Variants in FGF12 observed in about 807,000 individuals in gnomAD.
FGF12 encodes the protein fibroblast growth factor 12B.
FGF12 carries 14 observed loss-of-function variants against 23.6 expected under a neutral mutation model. That is an observed-to-expected ratio of 0.59 (90% confidence interval 0.39 to 0.93). FGF12 has a LOEUF of 0.93. Among genes scored for constraint, FGF12 ranks in the 40% least tolerant of loss-of-function variants. FGF12 has a pLI of 0.00. For missense variants in FGF12, 175 were observed against 217.8 expected, an observed-to-expected ratio of 0.80 and a Z score of 1.24; for synonymous variants, 62 against 77.3, an observed-to-expected ratio of 0.80 and a Z score of 1.04.
chr3:192,214,123 G>A (rs917076599), intron 4 of FGF12, among the ~76,000 whole-genome samples: 19 of 152,130 alleles, frequency 1.2e-4, no homozygotes, highest in African/African-American at 4.6e-4. Flanking sequence ...CGACAGAGAC[G>A]GGAACTGTAA....
At chr3:192,588,620 CTT>C in intron 2 of FGF12, among the ~76,000 whole-genome samples, 1 of 151,870 alleles carries the variant, frequency 6.6e-6, no homozygotes, top group East Asian at 1.9e-4. Flanking sequence ...TATATCAACT[CTT>C]TTAATCCATG....
At chr3:192,378,150 G>A (rs1349481580) in intron 2 of FGF12, among the ~76,000 whole-genome samples, 10 of 142,454 alleles carry the variant, frequency 7.0e-5, no homozygotes, top group East Asian at 4.1e-4. Flanking sequence ...TCACTCTGTC[G>A]GCCAGGCTGG....
At chr3:192,159,719 C>A (rs577371361) in intron 5 of FGF12, among the ~76,000 whole-genome samples, 1 of 152,114 alleles carries the variant, frequency 6.6e-6, no homozygotes, top group Non-Finnish European at 1.5e-5. Flanking sequence ...GTGAATCTTT[C>A]GTAATGTCTG....
At chr3:192,681,888 T>G (rs765234225) in intron 2 of FGF12, among the ~76,000 whole-genome samples, 10 of 152,158 alleles carry the variant, frequency 6.6e-5, no homozygotes, top group Non-Finnish European at 1.2e-4. Context: ...ATGACTGCAT[T>G]TTTTAAAAAT....
chr3:192,555,496 T>C (rs1711724050), intron 2 of FGF12, among the ~76,000 whole-genome samples: 1 of 151,914 alleles, frequency 6.6e-6, no homozygotes, highest in East Asian at 1.9e-4. Flanking sequence ...TAAAAAGATG[T>C]AATTGTCCAG....
At chr3:192,511,600 A>G (rs1266433012) in intron 2 of FGF12, among the ~76,000 whole-genome samples, 2 of 152,226 alleles carry the variant, frequency 1.3e-5, no homozygotes, top group Non-Finnish European at 2.9e-5. Context: ...TAAAAACTTA[A>G]TATATTATCA....
intron 2 of FGF12, among the ~76,000 whole-genome samples, chr3:192,639,335 C>T (rs900055368): frequency 6.6e-6 from 1 of 152,146 alleles, no homozygotes; most frequent in South Asian, 2.1e-4. Context: ...AAAAGAGAAG[C>T]CTTTTACACT....
In FGF12 at chr3:192,340,980, G is replaced by C. The variant is rs146172201; in HGVS notation, c.125-5516C>G. 7.7e-3 allele frequency among the ~76,000 whole-genome samples: 1,176 copies of C among 151,940 alleles called. 5 individuals are homozygous for C. The highest frequency in any genetic ancestry group is 0.014 in the Middle Eastern group (4 of 294). ...AAGTGGGATTACATTAAACTAAAAAGCTTCTGCAGAGCAAAGGAAACAATC... is the reference window on the plus strand; with the variant it reads ...AAGTGGGATTACATTAAACTAAAAACCTTCTGCAGAGCAAAGGAAACAATC... On this transcript the variant is annotated intron_variant, in intron 3 of 5. Coordinates refer to ENST00000445105, the MANE Select transcript of FGF12 (RefSeq NM_004113.6).
At chr3:192,310,597 G>C (rs928475410) in intron 4 of FGF12, among the ~76,000 whole-genome samples, 4 of 151,984 alleles carry the variant, frequency 2.6e-5, no homozygotes, top group Admixed American at 2.6e-4. Flanking sequence ...GTCATTTTAA[G>C]GTACAAAATA....
chr3:192,450,729 T>A (rs1008570009), intron 2 of FGF12, among the ~76,000 whole-genome samples: 5 of 152,206 alleles, frequency 3.3e-5, no homozygotes, highest in African/African-American at 1.2e-4. Flanking sequence ...ACAGTACCAA[T>A]CTGGCCACCA....
chr3:192,490,227 A>T (rs1345165380), intron 2 of FGF12, among the ~76,000 whole-genome samples: 1 of 151,496 alleles, frequency 6.6e-6, no homozygotes, highest in Non-Finnish European at 1.5e-5. Flanking sequence ...TAGCCACTCA[A>T]ATTGCTCACG....
chr3:192,602,199 G>A (rs1424419543), intron 2 of FGF12, among the ~76,000 whole-genome samples: 1 of 152,152 alleles, frequency 6.6e-6, no homozygotes, highest in African/African-American at 2.4e-5. Context: ...TGTGTATGTG[G>A]TGAGAGGGAG....
At chr3:192,560,320 T>C (rs1351831548) in intron 2 of FGF12, among the ~76,000 whole-genome samples, 2 of 151,578 alleles carry the variant, frequency 1.3e-5, no homozygotes, top group African/African-American at 2.4e-5. Context: ...ATAGAAAAAG[T>C]AGAGAAAATT....
At chr3:192,700,815 A>G (rs1286723094) in intron 2 of FGF12, among the ~76,000 whole-genome samples, 1 of 152,220 alleles carries the variant, frequency 6.6e-6, no homozygotes, top group African/African-American at 2.4e-5. Flanking sequence ...ACATTCAAAC[A>G]GAGATCTTAA....
chr3:192,542,022 C>A (rs577745445), intron 2 of FGF12, among the ~76,000 whole-genome samples: 2 of 145,048 alleles, frequency 1.4e-5, no homozygotes, highest in African/African-American at 2.6e-5. Context: ...CATCACCATG[C>A]CTGGCATTTT....
chr3:192,572,438 G>A lies in FGF12; in HGVS notation c.13+154743C>T, dbSNP rs1272483715. 1.1e-4 allele frequency among the ~76,000 whole-genome samples: 16 copies of A among 152,042 alleles called. 1 individual carries two copies. The highest frequency in any genetic ancestry group is 1.0e-3 in the Admixed American group (16 of 15,270). On this transcript the variant is annotated intron_variant, in intron 2 of 5. Coordinates refer to ENST00000445105, the MANE Select transcript of FGF12 (RefSeq NM_004113.6). ...ATGAGCAGGCAGGTGATTTAAAAGA[G>A]AACAAATGGTCATTAAAATTAATCA...
intron 2 of FGF12, among the ~76,000 whole-genome samples, chr3:192,554,112 C>T (rs183109613): frequency 1.3e-5 from 2 of 152,254 alleles, no homozygotes; most frequent in Admixed American, 6.5e-5. Context: ...GGAGGGACCT[C>T]GAATACTCTA....
intron 4 of FGF12, among the ~76,000 whole-genome samples, chr3:192,296,850 C>T (rs936792522): frequency 6.6e-6 from 1 of 152,148 alleles, no homozygotes; most frequent in African/African-American, 2.4e-5. Context: ...TTAGTTTATA[C>T]AGCCTAACTC....
chr3:192,441,343 C>T (rs1722196186), intron 2 of FGF12, among the ~76,000 whole-genome samples: 1 of 152,052 alleles, frequency 6.6e-6, no homozygotes, highest in South Asian at 2.1e-4. Context: ...GAGGATTTAG[C>T]CAGTAGAAAA....
Sources: gnomAD v4.1 joint callset for allele counts (sites outside exome capture counted in the v4.1 genomes callset) on GRCh38, gnomAD v4.1.1 for gene constraint, MANE v1.5 for transcripts, NCBI Gene and HGNC (gene_info 2026-07-23, HGNC 2026-07-21) for gene names.